APCDD1: variants seen among roughly 807,000 people sequenced by gnomAD.
APCDD1 encodes APC down-regulated 1, also known as protein APCDD1.
A neutral mutation model predicts 38.1 loss-of-function variants in APCDD1; 15 were observed. The ratio of observed to expected loss-of-function variants is 0.39; its 90% confidence interval spans 0.26 to 0.61. The LOEUF is 0.61. Among genes scored for constraint, APCDD1 ranks in the 20% least tolerant of loss-of-function variants. APCDD1 has a pLI of 0.49. For missense variants in APCDD1, 647 were observed against 696.2 expected, an observed-to-expected ratio of 0.93 and a Z score of 0.79; for synonymous variants, 261 against 279.7, an observed-to-expected ratio of 0.93 and a Z score of 0.67.
rs2031016958 is a variant in APCDD1 at position 10,476,988 on chromosome 18, G to A, written c.774+4927G>A. On this transcript the variant is annotated intron_variant, in intron 3 of 4. Coordinates refer to ENST00000355285, the MANE Select transcript of APCDD1 (RefSeq NM_153000.5). This position sits in a 1 kb window ranked among gnomAD's most constrained non-coding sequence, Gnocchi z 5.8. ...TGACACCATGGGGATGTTGAGTCAG[G>A]TGGTCTTGGAGCCTGGACTTTTCAG... 1 of 152,308 alleles carries A rather than the reference G, an allele frequency of 6.6e-6. No individual in the cohort carries two copies. Among genetic ancestry groups the A allele is most frequent in the Non-Finnish European group, 1.5e-5 (1 of 68,072 alleles). The allele number at this position is 152,308 out of a possible 1,614,324, so 9.4% of individuals were successfully genotyped here. A position where few individuals can be genotyped will look rare whatever the true frequency, so the allele number is the denominator to read the frequency against.
In APCDD1 at chr18:10,485,426, T is replaced by C. The variant is rs760850682; in HGVS notation, c.775-36T>C. 4 of 1,611,118 alleles carry C rather than the reference T, an allele frequency of 2.5e-6. No individual in the cohort carries two copies. Among genetic ancestry groups the C allele is most frequent in the South Asian group, 2.2e-5 (2 of 91,054 alleles). On this transcript the variant is annotated intron_variant, in intron 3 of 4. Coordinates refer to ENST00000355285, the MANE Select transcript of APCDD1 (RefSeq NM_153000.5). This position sits in a 1 kb window ranked among gnomAD's most constrained non-coding sequence, Gnocchi z 5.8. ...TGTGTGCACTGCTCCCTTGGGAAGA[T>C]AGAGGCCTCTGAATGTGTTTGTTTC...
chr18:10,468,709 C>T, intron 2 of APCDD1, 57 bp downstream of exon 2: 1 of 1,564,262 alleles, frequency 6.4e-7, no homozygotes, highest in South Asian at 1.1e-5. Flanking sequence ...ATGGAAGACC[C>T]TTCTTATGGG....
intron 3 of APCDD1, among the ~76,000 whole-genome samples, chr18:10,483,091 A>T (rs1312202201): frequency 2.0e-5 from 3 of 152,238 alleles, no homozygotes; most frequent in African/African-American, 7.2e-5. Context: ...CATTGTAAAA[A>T]TGAGGAAGTT....
Position 10,488,222 on chromosome 18 carries a change from C to T in APCDD1, c.*184C>T, listed in dbSNP as rs752068746. The T allele has an allele frequency of 4.0e-6, 3 of 757,778 alleles. No individual in the cohort carries two copies. Among genetic ancestry groups the T allele is most frequent in the Non-Finnish European group, 6.4e-6 (3 of 468,794 alleles). 46.9% of individuals were successfully genotyped at this position (757,778 alleles called of 1,614,324 possible). A position where few individuals can be genotyped will look rare whatever the true frequency, so the allele number is the denominator to read the frequency against. On this transcript the variant is annotated 3_prime_UTR_variant, in exon 5 of 5. Transcript: ENST00000355285. ...CAGCAAGGAGTGTTTGAAGTTTCTG[C>T]TTTGAACTCCGTCCAGCCTGATCCC...
Position 10,460,796 on chromosome 18 carries a change from T to C in APCDD1, c.58+5757T>C, listed in dbSNP as rs73388559. Among the ~76,000 whole-genome samples, 924 of 152,300 alleles carry C rather than the reference T, an allele frequency of 6.1e-3. 8 individuals carry two copies. The highest frequency in any genetic ancestry group is 0.021 in the African/African-American group (866 of 41,576). On this transcript the variant is annotated intron_variant, in intron 1 of 4. Coordinates refer to ENST00000355285, the MANE Select transcript of APCDD1 (RefSeq NM_153000.5). Reference sequence around the variant, plus strand: ...TGTTTGGTTTCCGGGTACACTGGCGTGCTTCCTTAGCACACCATGGGTTTA... The same window carrying C: ...TGTTTGGTTTCCGGGTACACTGGCGCGCTTCCTTAGCACACCATGGGTTTA...
intron 3 of APCDD1, among the ~76,000 whole-genome samples, chr18:10,473,787 G>A (rs907281006): frequency 1.3e-5 from 2 of 152,176 alleles, no homozygotes; most frequent in African/African-American, 4.8e-5. Flanking sequence ...GCCCAAAGGC[G>A]GCACTGGACA....
chr18:10,454,767 G>C lies in APCDD1; in HGVS notation c.-215G>C, dbSNP rs925917419. ...CGGCAGAGAGGCCGGGACGCGGACC[G>C]GGCCGGGGCGCCCACAGCCGCCCGA... On this transcript the variant is annotated 5_prime_UTR_variant, in exon 1 of 5. Coordinates refer to ENST00000355285, the MANE Select transcript of APCDD1 (RefSeq NM_153000.5). 2.6e-5 allele frequency: 25 copies of C among 980,194 alleles called. No individual in the cohort carries two copies. The highest frequency in any genetic ancestry group is 3.0e-5 in the Non-Finnish European group (25 of 828,004). The allele number at this position is 980,194 out of a possible 1,614,324, so 60.7% of individuals were successfully genotyped here.
At chr18:10,484,287 G>A (rs748791253) in intron 3 of APCDD1, among the ~76,000 whole-genome samples, 7 of 152,194 alleles carry the variant, frequency 4.6e-5, no homozygotes, top group East Asian at 1.9e-4. Context: ...CCCTTCTTGC[G>A]GGCCGCCTCC....
chr18:10,485,492 A>T lies in APCDD1; in HGVS notation c.805A>T (p.Ile269Phe). 6.2e-7 allele frequency: 1 copy of T among 1,614,074 alleles called. No individual in the cohort carries two copies. The highest frequency in any genetic ancestry group is 8.5e-7 in the Non-Finnish European group (1 of 1,180,032). Residue 269 changes from isoleucine (I) to phenylalanine (F), a missense_variant, in exon 4 of 5, where the codon ATC (isoleucine) becomes TTC (phenylalanine). Ile to Phe is a conservative substitution (Grantham distance 21). Coordinates refer to ENST00000355285, the MANE Select transcript of APCDD1 (RefSeq NM_153000.5). This position sits in a 1 kb window ranked among gnomAD's most constrained non-coding sequence, Gnocchi z 5.8. ...NHDHACIACR[I>F]IYRSDEHHPP... The stretch of plus-strand genomic sequence containing the variant: ...CGACCATGCCTGCATCGCCTGTCGG[A>T]TCATCTATCGGTCAGACGAGCACCA...
At chr18:10,465,602 T>C (rs1328808978) in intron 1 of APCDD1, among the ~76,000 whole-genome samples, 4 of 152,184 alleles carry the variant, frequency 2.6e-5, no homozygotes, top group African/African-American at 9.7e-5. Context: ...CCAAAAAATA[T>C]AAGGCATTGT....
At chr18:10,473,408 G>A (rs1291609280) in intron 3 of APCDD1, among the ~76,000 whole-genome samples, 1 of 152,172 alleles carries the variant, frequency 6.6e-6, no homozygotes, top group East Asian at 1.9e-4. Context: ...GGATGCCCTT[G>A]GGGGTTTGTT....
intron 1 of APCDD1, among the ~76,000 whole-genome samples, chr18:10,465,699 A>G (rs914839397): frequency 2.0e-5 from 3 of 152,238 alleles, no homozygotes; most frequent in African/African-American, 7.2e-5. Flanking sequence ...AGAAATTGCC[A>G]GATGTCTTTG....
At chr18:10,456,638 C>G (rs544383054) in intron 1 of APCDD1, among the ~76,000 whole-genome samples, 1 of 152,314 alleles carries the variant, frequency 6.6e-6, no homozygotes, top group South Asian at 2.1e-4. Context: ...CAAGGTAACT[C>G]TGAACATGTT....
At chr18:10,464,311 AACACACACACAC>A (rs541648834) in intron 1 of APCDD1, among the ~76,000 whole-genome samples, 16 of 147,098 alleles carry the variant, frequency 1.1e-4, no homozygotes, top group South Asian at 2.2e-4. Flanking sequence ...CTTCAAAGTA[AACACACACACAC>A]ACACACACAC....
intron 1 of APCDD1, among the ~76,000 whole-genome samples, chr18:10,462,599 T>C (rs1308770979): frequency 2.7e-4 from 2 of 7,428 alleles, no homozygotes; most frequent in Admixed American, 1.9e-3. Context: ...CCCTCCTTCC[T>C]TCCTTCCTTC....
intron 1 of APCDD1, among the ~76,000 whole-genome samples, chr18:10,466,436 C>A (rs368274205): frequency 3.3e-5 from 5 of 152,136 alleles, no homozygotes; most frequent in African/African-American, 1.2e-4. Context: ...TCATAGTTCC[C>A]CCCGAATGTT....
intron 1 of APCDD1, among the ~76,000 whole-genome samples, chr18:10,459,974 T>C (rs2030489542): frequency 6.6e-6 from 1 of 152,240 alleles, no homozygotes; most frequent in African/African-American, 2.4e-5. Context: ...ATGGTTGATA[T>C]TTTGACATTA....
chr18:10,458,082 T>TGTC (rs2030426740), intron 1 of APCDD1, among the ~76,000 whole-genome samples: 1 of 152,238 alleles, frequency 6.6e-6, no homozygotes, highest in Admixed American at 6.5e-5. Context: ...TGTCAAATTC[T>TGTC]AGAAACCATT....
chr18:10,477,914 TC>T (rs1245992744), intron 3 of APCDD1: 1 of 152,186 alleles, frequency 6.6e-6, no homozygotes, highest in African/African-American at 2.4e-5. Flanking sequence ...AGAACCATCT[TC>T]TTAGGGTCCT....
Sources: gnomAD v4.1 joint callset for allele counts (sites outside exome capture counted in the v4.1 genomes callset) on GRCh38, gnomAD v4.1.1 for gene constraint, Gnocchi (gnomAD v3.1) non-coding constraint, MANE v1.5 for transcripts, NCBI Gene and HGNC (gene_info 2026-07-23, HGNC 2026-07-21) for gene names.